Variants in PTPRD observed in about 807,000 individuals in gnomAD.
PTPRD encodes the protein receptor-type tyrosine-protein phosphatase delta.
In PTPRD, 34 loss-of-function variants were observed where a neutral mutation model predicts 214.5. That is an observed-to-expected ratio of 0.16 (90% CI 0.12 to 0.21). PTPRD has a LOEUF of 0.21. PTPRD is among the 10% of genes least tolerant of loss of function. The pLI, the probability that PTPRD is intolerant of heterozygous loss-of-function variation, is 1.00. For synonymous variants in PTPRD, 1,128 were observed against 845.7 expected (o/e 1.33, Z -5.79); for missense variants, 2,545 against 2,398.7 (o/e 1.06, Z -1.27).
At chr9:8,581,991 A>G (rs1267263454) in intron 14 of PTPRD, among the ~76,000 whole-genome samples, 1 of 151,736 alleles carries the variant, frequency 6.6e-6, no homozygotes, top group African/African-American at 2.4e-5. Context: ...AAATTTTTAA[A>G]TACTAAAAGA....
At chr9:9,658,147 G>A (rs1594468980) in intron 7 of PTPRD, among the ~76,000 whole-genome samples, 1 of 151,938 alleles carries the variant, frequency 6.6e-6, no homozygotes, top group East Asian at 1.9e-4. Context: ...TATCTAAATG[G>A]AGAATTGAGT....
At chr9:10,061,961 G>C (rs1272184800) in intron 3 of PTPRD, among the ~76,000 whole-genome samples, 2 of 152,016 alleles carry the variant, frequency 1.3e-5, no homozygotes, top group Non-Finnish European at 2.9e-5. Context: ...TCTGGAAATG[G>C]AGTCTGGTGA....
At chr9:10,592,278 G>C (rs2075649073) in intron 2 of PTPRD, among the ~76,000 whole-genome samples, 1 of 149,312 alleles carries the variant, frequency 6.7e-6, no homozygotes, top group South Asian at 2.1e-4. Context: ...TGACATATGT[G>C]AGCCAGTAGA....
At chr9:9,235,333 G>A (rs528762994) in intron 9 of PTPRD, among the ~76,000 whole-genome samples, 185 of 152,190 alleles carry the variant, frequency 1.2e-3, no homozygotes, top group African/African-American at 3.9e-3. Flanking sequence ...ATTTGGGTGG[G>A]GACACAGCTA....
chr9:9,176,864 G>T (rs917416229), intron 10 of PTPRD, among the ~76,000 whole-genome samples: 2 of 152,032 alleles, frequency 1.3e-5, no homozygotes, highest in Non-Finnish European at 2.9e-5. Flanking sequence ...AATTACTCAT[G>T]CGGGGGTATT....
chr9:9,502,156 T>C (rs1436883855), intron 8 of PTPRD, among the ~76,000 whole-genome samples: 1 of 151,898 alleles, frequency 6.6e-6, no homozygotes, highest in Non-Finnish European at 1.5e-5. Context: ...CCTTTTAGCA[T>C]ATTTTTATAC....
At chr9:9,931,161 A>T (rs1406153748) in intron 5 of PTPRD, among the ~76,000 whole-genome samples, 1 of 152,210 alleles carries the variant, frequency 6.6e-6, no homozygotes, top group Non-Finnish European at 1.5e-5. Flanking sequence ...TCCTATAGAA[A>T]AAAATTGATT....
intron 3 of PTPRD, among the ~76,000 whole-genome samples, chr9:10,193,436 T>C (rs1593721705): frequency 6.6e-6 from 1 of 151,948 alleles, no homozygotes; most frequent in East Asian, 1.9e-4. Flanking sequence ...AGATTACCCA[T>C]GAGAGGTCGA....
chr9:10,165,760 G>A (rs1018457936), intron 3 of PTPRD, among the ~76,000 whole-genome samples: 7 of 150,716 alleles, frequency 4.6e-5, no homozygotes, highest in African/African-American at 7.3e-5. Flanking sequence ...AACATTTATC[G>A]AAGTATTTTC....
At chr9:9,840,707 G>C (rs1363467171) in intron 5 of PTPRD, among the ~76,000 whole-genome samples, 1 of 128,500 alleles carries the variant, frequency 7.8e-6, no homozygotes, top group Admixed American at 9.4e-5. Context: ...AGCTTGCATT[G>C]AGCCAAGATG....
intron 36 of PTPRD, among the ~76,000 whole-genome samples, chr9:8,398,780 G>T (rs2091802652): frequency 6.6e-6 from 1 of 152,174 alleles, no homozygotes; most frequent in African/African-American, 2.4e-5. Flanking sequence ...GCCCTCACCA[G>T]AAAGCAAGGC....
intron 36 of PTPRD, among the ~76,000 whole-genome samples, chr9:8,394,438 C>T (rs1213786262): frequency 6.6e-6 from 1 of 152,094 alleles, no homozygotes; most frequent in Non-Finnish European, 1.5e-5. Context: ...GTCACGTGTG[C>T]ATTTTAAAGT....
At chr9:8,495,134 G>A (rs1022367113) in intron 26 of PTPRD, among the ~76,000 whole-genome samples, 1 of 152,104 alleles carries the variant, frequency 6.6e-6, no homozygotes, top group Admixed American at 6.5e-5. Flanking sequence ...GAGCTCCAGT[G>A]GCATATACAT....
At chr9:8,439,935 A>ATTCTTTTTT (rs2095488032) in intron 34 of PTPRD, among the ~76,000 whole-genome samples, 1 of 73,314 alleles carries the variant, frequency 1.4e-5, no homozygotes, top group Non-Finnish European at 2.5e-5. Context: ...ATGTGCTTTA[A>ATTCTTTTTT]TTTTTTTTTT....
In PTPRD at chr9:9,377,309, T is replaced by G. The variant is rs17606675; in HGVS notation, c.-203+20140A>C. 9.5e-3 allele frequency among the ~76,000 whole-genome samples: 1,447 copies of G among 152,256 alleles called. 11 individuals carry two copies. The highest frequency in any genetic ancestry group is 0.016 in the Non-Finnish European group (1,101 of 68,008). ...GTCCTCCATGAACAAAAAATACGTC[T>G]TGTGCTAATTCTTCCTGGTATAGAA... On this transcript the variant is annotated intron_variant, in intron 9 of 45. Coordinates refer to ENST00000381196, the MANE Select transcript of PTPRD (RefSeq NM_002839.4).
intron 11 of PTPRD, among the ~76,000 whole-genome samples, chr9:8,992,845 C>G (rs1029806160): frequency 3.3e-5 from 5 of 152,150 alleles, no homozygotes; most frequent in Non-Finnish European, 7.4e-5. Flanking sequence ...ACTAAAGGGA[C>G]AGAAACTGAA....
intron 8 of PTPRD, among the ~76,000 whole-genome samples, chr9:9,442,771 T>C (rs1174988050): frequency 6.6e-6 from 1 of 152,202 alleles, no homozygotes. Context: ...ATACTGGGAA[T>C]GTCTTCTTTT....
chr9:8,499,330 T>A (rs1436788919), intron 25 of PTPRD, among the ~76,000 whole-genome samples: 1 of 152,158 alleles, frequency 6.6e-6, no homozygotes, highest in African/African-American at 2.4e-5. Context: ...AAATCTTCCC[T>A]TTGACTCAAC....
intron 11 of PTPRD, among the ~76,000 whole-genome samples, chr9:8,769,781 G>C (rs1483071698): frequency 1.3e-5 from 2 of 150,344 alleles, no homozygotes; most frequent in African/African-American, 4.9e-5. Flanking sequence ...GTTTTTGCTT[G>C]TAAATAGTTC....
Sources: gnomAD v4.1 joint callset for allele counts (sites outside exome capture counted in the v4.1 genomes callset) on GRCh38, gnomAD v4.1.1 for gene constraint, MANE v1.5 for transcripts, NCBI Gene and HGNC (gene_info 2026-07-23, HGNC 2026-07-21) for gene names.